Variants in MTHFD2L observed in about 807,000 individuals in gnomAD.
MTHFD2L encodes the protein bifunctional methylenetetrahydrofolate dehydrogenase/cyclohydrolase 2, mitochondrial.
In MTHFD2L, 29 loss-of-function variants were observed where a neutral mutation model predicts 34.9. The ratio of observed to expected loss-of-function variants is 0.83; its 90% CI spans 0.62 to 1.13. The LOEUF (loss-of-function observed/expected upper bound fraction) is 1.13. MTHFD2L is among the 50% of genes most tolerant of loss of function. The probability of loss-of-function intolerance (pLI) is 0.00; values close to 1 mark genes in which losing one functional copy is unlikely to be tolerated. For missense variants in MTHFD2L, 481 were observed against 446.5 expected (o/e 1.08, Z -0.70); for synonymous variants, 167 against 155.7 (o/e 1.07, Z -0.54).
At chr4:74,120,325 T>C (rs1293804609), upstream of MTHFD2L, among the ~76,000 whole-genome samples, 2 of 152,242 alleles carry the variant, frequency 1.3e-5, no homozygotes, top group Non-Finnish European at 1.5e-5. Context: ...AGTCTACCAA[T>C]GTTGGTAAGG....
intron 1 of MTHFD2L, among the ~76,000 whole-genome samples, chr4:74,126,155 A>G (rs549815705): frequency 4.6e-5 from 7 of 152,316 alleles, no homozygotes; most frequent in African/African-American, 1.7e-4. Flanking sequence ...AACCTCATCA[A>G]TAAATTCTTG....
chr4:74,296,979 T>C (rs1312204867), intron 7 of MTHFD2L, among the ~76,000 whole-genome samples: 1 of 152,062 alleles, frequency 6.6e-6, no homozygotes, highest in Non-Finnish European at 1.5e-5. Flanking sequence ...AAGAGAATAG[T>C]ATGTACAAAG....
chr4:74,166,253 T>C (rs1335315079), intron 1 of MTHFD2L, among the ~76,000 whole-genome samples: 1 of 152,226 alleles, frequency 6.6e-6, no homozygotes, highest in African/African-American at 2.4e-5. Flanking sequence ...GCCCACACTC[T>C]GTCGACTAGC....
chr4:74,199,091 C>A (rs2110048458), intron 3 of MTHFD2L, among the ~76,000 whole-genome samples: 1 of 152,172 alleles, frequency 6.6e-6, no homozygotes, highest in Non-Finnish European at 1.5e-5. Flanking sequence ...ATTTAAACTA[C>A]TCTGCATAGA....
chr4:74,199,535 AT>A (rs1734049738), intron 3 of MTHFD2L, among the ~76,000 whole-genome samples: 1 of 151,730 alleles, frequency 6.6e-6, no homozygotes, highest in East Asian at 1.9e-4. Context: ...TTAATTCACA[AT>A]TTTTTTTCTT....
intron 6 of MTHFD2L, among the ~76,000 whole-genome samples, chr4:74,243,655 C>A (rs996489172): frequency 6.6e-6 from 1 of 151,780 alleles, no homozygotes; most frequent in South Asian, 2.1e-4. Flanking sequence ...TTTCATGTTG[C>A]TAAATGAATA....
chr4:74,140,538 G>T (rs553543312), intron 1 of MTHFD2L: 1 of 978,098 alleles, frequency 1.0e-6, no homozygotes, highest in Admixed American at 6.2e-5. Flanking sequence ...CCTTTTTCAT[G>T]TTGTGCATTA....
At chr4:74,158,442 C>A in intron 1 of MTHFD2L, 161 bp downstream of exon 1, 1 of 410,248 alleles carries the variant, frequency 2.4e-6, no homozygotes, top group Non-Finnish European at 3.3e-6. Context: ...TTGCCGGTCG[C>A]GCGGGCGAGT....
intron 5 of MTHFD2L, among the ~76,000 whole-genome samples, chr4:74,216,157 T>C (rs1199943064): frequency 6.6e-6 from 1 of 151,848 alleles, no homozygotes; most frequent in Non-Finnish European, 1.5e-5. Flanking sequence ...GGCCACATTT[T>C]ATAGGGCAAT....
chr4:74,189,012 C>T (rs1430971899), intron 3 of MTHFD2L, among the ~76,000 whole-genome samples: 2 of 151,868 alleles, frequency 1.3e-5, no homozygotes, highest in Non-Finnish European at 2.9e-5. Flanking sequence ...ATGAAATTTA[C>T]ATCTGTTTGG....
chr4:74,221,335 A>G (rs1407279960), intron 5 of MTHFD2L, among the ~76,000 whole-genome samples: 1 of 151,818 alleles, frequency 6.6e-6, no homozygotes, highest in Non-Finnish European at 1.5e-5. Flanking sequence ...CATTTTCTGT[A>G]TCCTTGATCT....
chr4:74,178,025 C>T (rs540062966), intron 3 of MTHFD2L, among the ~76,000 whole-genome samples: 1 of 144,104 alleles, frequency 6.9e-6, no homozygotes, highest in Admixed American at 7.3e-5. Context: ...CATGATCTTA[C>T]CTGTAGAATT....
intron 1 of MTHFD2L, among the ~76,000 whole-genome samples, chr4:74,172,058 G>T (rs905395446): frequency 1.3e-5 from 2 of 151,810 alleles, no homozygotes; most frequent in African/African-American, 4.8e-5. Flanking sequence ...GGAAATAGCT[G>T]GCCAAAAAAG....
chr4:74,199,571 C>G (rs1054625750), intron 3 of MTHFD2L, among the ~76,000 whole-genome samples: 1 of 151,924 alleles, frequency 6.6e-6, no homozygotes, highest in African/African-American at 2.4e-5. Context: ...ACTTTTGGCT[C>G]TGGAATAGCA....
At chr4:74,133,741 A>G (rs1722713360) in intron 1 of MTHFD2L, among the ~76,000 whole-genome samples, 1 of 152,168 alleles carries the variant, frequency 6.6e-6, no homozygotes, top group African/African-American at 2.4e-5. Context: ...CTTGTAGGTC[A>G]CTGAGTTTCC....
chr4:74,297,615 A>C (rs867916617), intron 7 of MTHFD2L, among the ~76,000 whole-genome samples: 8 of 152,066 alleles, frequency 5.3e-5, no homozygotes, highest in Non-Finnish European at 8.8e-5. Flanking sequence ...ATTTAAAAGC[A>C]TCATCTTCAG....
At chr4:74,180,473 G>T (rs1310627042) in intron 3 of MTHFD2L, among the ~76,000 whole-genome samples, 2 of 151,984 alleles carry the variant, frequency 1.3e-5, no homozygotes, top group East Asian at 3.9e-4. Context: ...AGAAATCTGA[G>T]ATTTCTCACA....
At chr4:74,145,586 A>T (rs1159476968) in intron 1 of MTHFD2L, among the ~76,000 whole-genome samples, 3 of 152,218 alleles carry the variant, frequency 2.0e-5, no homozygotes, top group African/African-American at 4.8e-5. Context: ...ACCTAACAAT[A>T]TATTGACATT....
chr4:74,252,745 G>T (rs1038357697), intron 6 of MTHFD2L, among the ~76,000 whole-genome samples: 3 of 152,030 alleles, frequency 2.0e-5, no homozygotes, highest in Non-Finnish European at 4.4e-5. Flanking sequence ...CATGGCTTGT[G>T]ATATGGAACA....
Sources: allele counts gnomAD v4.1 joint callset (sites outside exome capture counted in the v4.1 genomes callset), GRCh38; gene constraint gnomAD v4.1.1; transcripts MANE v1.5; gene names NCBI Gene and HGNC (gene_info 2026-07-23, HGNC 2026-07-21).